The following BMPR1B variants were observed in gnomAD, a reference collection of about 807,000 sequenced individuals.
BMPR1B encodes the protein bone morphogenetic protein receptor type 1B.
In BMPR1B, 12 loss-of-function variants were observed where a neutral mutation model predicts 59.1. That is an observed-to-expected ratio of 0.20 (90% CI 0.13 to 0.33). The LOEUF (loss-of-function observed/expected upper bound fraction) is 0.33, where lower values mean the gene tolerates loss of function less well. BMPR1B is among the 10% of genes least tolerant of loss of function. The probability of loss-of-function intolerance (pLI) is 1.00; values close to 1 mark genes in which losing one functional copy is unlikely to be tolerated. For synonymous variants in BMPR1B, 237 were observed against 207.3 expected, an observed-to-expected ratio of 1.14 and a Z score of -1.23; for missense variants, 550 against 610.9, an observed-to-expected ratio of 0.90 and a Z score of 1.05.
intron 2 of BMPR1B, among the ~76,000 whole-genome samples, chr4:94,980,822 A>G (rs1347995391): frequency 6.6e-6 from 1 of 152,194 alleles, no homozygotes; most frequent in African/African-American, 2.4e-5. Context: ...CAGGTACTTA[A>G]TACAAGTTGA....
chr4:94,881,592 A>G (rs575088851), intron 2 of BMPR1B, among the ~76,000 whole-genome samples: 1 of 151,874 alleles, frequency 6.6e-6, no homozygotes, highest in African/African-American at 2.4e-5. Flanking sequence ...CAGCCTCCTG[A>G]GTAGCTGGGA....
chr4:95,093,519 T>A (rs1467153855), intron 3 of BMPR1B, among the ~76,000 whole-genome samples: 1 of 152,134 alleles, frequency 6.6e-6, no homozygotes, highest in African/African-American at 2.4e-5. Context: ...GACTTGTATG[T>A]CATATTTACT....
chr4:94,888,046 C>A (rs1727250546), intron 2 of BMPR1B, among the ~76,000 whole-genome samples: 1 of 151,902 alleles, frequency 6.6e-6, no homozygotes. Flanking sequence ...TATTGAAAAC[C>A]AATATTCAAT....
chr4:94,999,850 C>T (rs1421947228), intron 3 of BMPR1B, among the ~76,000 whole-genome samples: 1 of 152,126 alleles, frequency 6.6e-6, no homozygotes, highest in Non-Finnish European at 1.5e-5. Flanking sequence ...TGAAAATTCT[C>T]AAACCTGAAA....
At chr4:94,916,212 A>G (rs1177203588) in intron 2 of BMPR1B, among the ~76,000 whole-genome samples, 2 of 152,218 alleles carry the variant, frequency 1.3e-5, no homozygotes, top group African/African-American at 2.4e-5. Flanking sequence ...CTAAAAGATA[A>G]CTGAAAATGT....
At chr4:95,090,040 G>GT (rs1398737054) in intron 3 of BMPR1B, among the ~76,000 whole-genome samples, 1 of 151,992 alleles carries the variant, frequency 6.6e-6, no homozygotes, top group Non-Finnish European at 1.5e-5. Context: ...TTGAAATGCA[G>GT]TATTCTAACC....
chr4:94,882,625 A>C (rs2719173), intron 2 of BMPR1B, among the ~76,000 whole-genome samples: 22,924 of 152,168 alleles, frequency 0.15, 2,133 homozygotes, highest in Admixed American at 0.25. Flanking sequence ...TTACCTGATA[A>C]CAGGTTAATC....
chr4:95,051,560 C>T, intron 3 of BMPR1B: 1 of 714,126 alleles, frequency 1.4e-6, no homozygotes, highest in Non-Finnish European at 2.3e-6. Context: ...GCTTGTCTTT[C>T]ACGGTCCTGT....
At chr4:94,868,764 T>C (rs577776168) in intron 1 of BMPR1B, among the ~76,000 whole-genome samples, 1 of 151,796 alleles carries the variant, frequency 6.6e-6, no homozygotes, top group African/African-American at 2.4e-5. Flanking sequence ...ATTTGACTTA[T>C]TATTAATCAA....
At chr4:95,084,620 A>G (rs540794257) in intron 3 of BMPR1B, among the ~76,000 whole-genome samples, 9 of 152,290 alleles carry the variant, frequency 5.9e-5, no homozygotes, top group East Asian at 1.9e-4. Context: ...AGAAACATCT[A>G]TTACCCTCTT....
chr4:95,074,668 C>G (rs1467595151), intron 3 of BMPR1B, among the ~76,000 whole-genome samples: 1 of 151,934 alleles, frequency 6.6e-6, no homozygotes, highest in Non-Finnish European at 1.5e-5. Flanking sequence ...CAGTCACTTT[C>G]AAAAGCACAG....
At chr4:94,856,042 A>C (rs912655011) in intron 1 of BMPR1B, among the ~76,000 whole-genome samples, 1 of 152,252 alleles carries the variant, frequency 6.6e-6, no homozygotes, top group Admixed American at 6.5e-5. Context: ...GAATACAACA[A>C]CAAAAAAGAC....
intron 3 of BMPR1B, among the ~76,000 whole-genome samples, chr4:95,062,748 C>A (rs1204893108): frequency 6.6e-6 from 1 of 152,106 alleles, no homozygotes; most frequent in East Asian, 1.9e-4. Context: ...TAGATTTACA[C>A]ATTTGATTTT....
intron 2 of BMPR1B, among the ~76,000 whole-genome samples, chr4:94,991,461 C>T (rs1288078315): frequency 6.6e-6 from 1 of 152,136 alleles, no homozygotes. Context: ...CAAGCAATAG[C>T]AAATAACAAG....
chr4:95,019,921 A>T (rs1337014197), intron 3 of BMPR1B, among the ~76,000 whole-genome samples: 1 of 152,178 alleles, frequency 6.6e-6, no homozygotes, highest in African/African-American at 2.4e-5. Flanking sequence ...AATCAGAAAT[A>T]GTTACTGCCA....
chr4:95,010,248 A>G (rs1446146370), intron 3 of BMPR1B, among the ~76,000 whole-genome samples: 1 of 152,046 alleles, frequency 6.6e-6, no homozygotes, highest in African/African-American at 2.4e-5. Flanking sequence ...TATTGCTGTT[A>G]TTCTGTACCT....
At chr4:94,901,923 T>C (rs1474595441) in intron 2 of BMPR1B, among the ~76,000 whole-genome samples, 1 of 151,874 alleles carries the variant, frequency 6.6e-6, no homozygotes, top group Non-Finnish European at 1.5e-5. Flanking sequence ...AAATGGAGTA[T>C]AGCAAAGATT....
intron 3 of BMPR1B, among the ~76,000 whole-genome samples, chr4:95,018,975 T>C (rs1314398689): frequency 6.6e-6 from 1 of 152,196 alleles, no homozygotes; most frequent in Non-Finnish European, 1.5e-5. Context: ...CTGTGTAATC[T>C]TTTTGTTTAA....
chr4:95,045,373 A>G (rs1280505592), intron 3 of BMPR1B, among the ~76,000 whole-genome samples: 1 of 152,172 alleles, frequency 6.6e-6, no homozygotes, highest in Non-Finnish European at 1.5e-5. Context: ...AAATGAAGAC[A>G]TTGCTTCCCA....
Sources: gnomAD v4.1 joint callset for allele counts (sites outside exome capture counted in the v4.1 genomes callset) on GRCh38, gnomAD v4.1.1 for gene constraint, MANE v1.5 for transcripts, NCBI Gene and HGNC (gene_info 2026-07-23, HGNC 2026-07-21) for gene names.